PLPP1: variants seen among roughly 807,000 people sequenced by gnomAD.
PLPP1 encodes lipid phosphate phosphohydrolase 1a.
Under a neutral mutation model 31.2 loss-of-function variants are expected in PLPP1, and 24 were observed. The observed-to-expected ratio is 0.77, with a 90% CI of 0.56 to 1.08. The LOEUF (loss-of-function observed/expected upper bound fraction) is 1.08. Among genes scored for constraint, PLPP1 ranks in the 50% least tolerant of loss-of-function variants. The pLI is 0.00. For missense variants in PLPP1, 319 were observed against 342.7 expected (o/e 0.93, Z 0.55); for synonymous variants, 146 against 126.3 (o/e 1.16, Z -1.05).
chr5:55,467,311 T>C (rs1752323562), intron 3 of PLPP1, among the ~76,000 whole-genome samples: 1 of 152,146 alleles, frequency 6.6e-6, no homozygotes, highest in Non-Finnish European at 1.5e-5. Flanking sequence ...TTCATTTAAG[T>C]ATTGTCTATG....
chr5:55,475,672 C>T (rs901697628), intron 1 of PLPP1, among the ~76,000 whole-genome samples: 7 of 152,140 alleles, frequency 4.6e-5, no homozygotes, highest in African/African-American at 1.7e-4. Flanking sequence ...TGTTCAAATC[C>T]TCTATTAACC....
chr5:55,472,632 G>C (rs1305013857), intron 2 of PLPP1, among the ~76,000 whole-genome samples: 2 of 123,446 alleles, frequency 1.6e-5, no homozygotes, highest in East Asian at 4.4e-4. Flanking sequence ...AGGAAAGAAA[G>C]AGACAGAGAG....
intron 2 of PLPP1, among the ~76,000 whole-genome samples, chr5:55,472,496 A>G (rs948186214): frequency 8.5e-5 from 13 of 152,092 alleles, no homozygotes; most frequent in Non-Finnish European, 1.6e-4. Context: ...GCTATGTGGG[A>G]GGCTGAGGCA....
chr5:55,434,728 A>G (rs1237686734), intron 4 of PLPP1, among the ~76,000 whole-genome samples: 2 of 152,134 alleles, frequency 1.3e-5, no homozygotes, highest in African/African-American at 4.8e-5. Flanking sequence ...CATATGCAGA[A>G]GAATGAAATT....
intron 1 of PLPP1, chr5:55,491,261 G>C: frequency 1.3e-6 from 1 of 797,622 alleles, no homozygotes. Context: ...CAAAGATTAA[G>C]GAAATCATGC....
At chr5:55,529,651 T>G (rs1333256889) in intron 1 of PLPP1, among the ~76,000 whole-genome samples, 1 of 152,206 alleles carries the variant, frequency 6.6e-6, no homozygotes, top group Non-Finnish European at 1.5e-5. Flanking sequence ...GATTTTCTTA[T>G]AGTTGAATTT....
chr5:55,458,435 A>T (rs973777132), intron 3 of PLPP1, among the ~76,000 whole-genome samples: 57 of 152,214 alleles, frequency 3.7e-4, no homozygotes, highest in Middle Eastern at 6.8e-3. Context: ...AAAAAAAAAA[A>T]TTAAATATAT....
chr5:55,474,863 C>T (rs978595634), intron 2 of PLPP1, among the ~76,000 whole-genome samples: 5 of 152,018 alleles, frequency 3.3e-5, no homozygotes, highest in African/African-American at 9.7e-5. Flanking sequence ...AGAGCTCTAA[C>T]AATCACAGTG....
At chr5:55,454,521 T>C (rs1407717376) in intron 3 of PLPP1, among the ~76,000 whole-genome samples, 4 of 152,232 alleles carry the variant, frequency 2.6e-5, no homozygotes, top group African/African-American at 9.6e-5. Flanking sequence ...AGCAAATTTC[T>C]GTACTCCTCA....
chr5:55,498,419 A>AAC (rs371878208), intron 1 of PLPP1, among the ~76,000 whole-genome samples: 3,691 of 150,650 alleles, frequency 0.025, 110 homozygotes, highest in African/African-American at 0.066. Context: ...GTGTATCTAA[A>AAC]ACACACACAC....
intron 4 of PLPP1, among the ~76,000 whole-genome samples, chr5:55,441,384 A>G (rs1751616777): frequency 6.6e-6 from 1 of 152,236 alleles, no homozygotes; most frequent in Non-Finnish European, 1.5e-5. Context: ...GGTCCCTTGC[A>G]GAGCACTCTG....
chr5:55,447,692 G>A (rs1206714126), intron 3 of PLPP1, among the ~76,000 whole-genome samples: 2 of 152,170 alleles, frequency 1.3e-5, no homozygotes, highest in Non-Finnish European at 2.9e-5. Flanking sequence ...CCATCTCCAG[G>A]CAGGGGAGTT....
chr5:55,467,811 A>T (rs1752336786), intron 3 of PLPP1, 58 bp downstream of exon 3: 1 of 1,505,400 alleles, frequency 6.6e-7, no homozygotes, highest in African/African-American at 1.4e-5. Flanking sequence ...CCAGTCACTG[A>T]AACCTTCTAT....
chr5:55,463,819 A>AAAT (rs1752223309), intron 3 of PLPP1, among the ~76,000 whole-genome samples: 1 of 149,998 alleles, frequency 6.7e-6, no homozygotes, highest in African/African-American at 2.4e-5. Flanking sequence ...ATAAATAAAT[A>AAAT]AATAAATAAA....
intron 3 of PLPP1, among the ~76,000 whole-genome samples, chr5:55,460,808 C>T (rs7715539): frequency 0.86 from 131,207 of 152,132 alleles, 56,941 homozygotes; most frequent in South Asian, 0.92. Context: ...ACTGGGCCAC[C>T]GCACTCCAGC....
chr5:55,506,766 T>C (rs533677124), intron 1 of PLPP1, among the ~76,000 whole-genome samples: 1 of 152,336 alleles, frequency 6.6e-6, no homozygotes, highest in South Asian at 2.1e-4. Flanking sequence ...TCTGACAAGT[T>C]AAGTCTACAG....
chr5:55,492,711 A>G (rs527299901), intron 1 of PLPP1, among the ~76,000 whole-genome samples: 1 of 152,346 alleles, frequency 6.6e-6, no homozygotes, highest in Admixed American at 6.5e-5. Context: ...GCATGCTTGC[A>G]CATGCTGGGA....
rs993391319 is a variant in PLPP1, at chr5:55,530,289, T to C, written c.58+4283A>G. 5.3e-6 allele frequency: 8 copies of C among 1,506,748 alleles called. No individual in the cohort carries two copies. In the African/African-American group the frequency reaches 9.6e-5, roughly 18 times the overall value. The allele number at this position is 1,506,748 out of a possible 1,614,324, so 93.3% of individuals were successfully genotyped here. ...ATGACTAACGAAATTTCTGGTAATC[T>C]GGCTAGGATCTCCCCAAGGAAGAGA... On this transcript the variant is annotated intron_variant, in intron 1 of 5. Transcript: ENST00000307259.
At chr5:55,489,207 A>G (rs1044412666) in intron 1 of PLPP1, among the ~76,000 whole-genome samples, 4 of 152,118 alleles carry the variant, frequency 2.6e-5, no homozygotes, top group South Asian at 2.1e-4. Context: ...TCAAAAATAT[A>G]TATGTGTTAT....
Sources: gnomAD v4.1 joint callset for allele counts (sites outside exome capture counted in the v4.1 genomes callset) on GRCh38, gnomAD v4.1.1 for gene constraint, MANE v1.5 for transcripts, NCBI Gene and HGNC (gene_info 2026-07-23, HGNC 2026-07-21) for gene names.